The following PXDNL variants were observed in gnomAD, a reference collection of about 807,000 sequenced individuals.
PXDNL encodes peroxidasin like, also known as probable oxidoreductase PXDNL.
In PXDNL, 145 loss-of-function variants were observed where a neutral mutation model predicts 150.8. The observed-to-expected ratio is 0.96, with a 90% CI of 0.84 to 1.10. The LOEUF (loss-of-function observed/expected upper bound fraction) is 1.10. Ranked by LOEUF, PXDNL falls within the 50% of genes least tolerant of loss-of-function variation. PXDNL has a pLI of 0.00. For missense variants in PXDNL, 2,087 were observed against 1,873.9 expected (o/e 1.11, Z -2.10); for synonymous variants, 757 against 725.7 (o/e 1.04, Z -0.69).
At position 51,320,013 on chromosome 8, in the gene PXDNL, C is replaced by A; in HGVS notation, c.4270G>T (p.Val1424Phe). 1 of 1,520,344 alleles carries A rather than the reference C, an allele frequency of 6.6e-7. No individual in the cohort carries two copies. Among genetic ancestry groups the A allele is most frequent in the Admixed American group, 2.2e-5 (1 of 45,030 alleles). The allele number at this position is 1,520,344 out of a possible 1,614,324, so 94.2% of individuals were successfully genotyped here. ...CTHCICESGQ[V>F]TCVVEICPPA... ...GGACAAATCTCCACCACACAGGTGA[C>A]CTGGCCACTCTGAAAGGCAGCATGC... The change falls in exon 23 of 23, where the codon GTC becomes TTC. Residue 1424 changes from valine to phenylalanine, a missense_variant. Val to Phe is a conservative substitution (Grantham distance 50). Transcript: ENST00000356297.
intron 1 of PXDNL, among the ~76,000 whole-genome samples, chr8:51,670,919 T>C (rs1289531039): frequency 6.6e-6 from 1 of 152,224 alleles, no homozygotes; most frequent in Non-Finnish European, 1.5e-5. Context: ...CTTACCGATA[T>C]CTTTTCATTG....
chr8:51,592,563 C>T, intron 3 of PXDNL, 64 bp downstream of exon 3: 1 of 1,065,346 alleles, frequency 9.4e-7, no homozygotes, highest in Non-Finnish European at 1.4e-6. Context: ...AGTAAACACA[C>T]ACAAAAAAGG....
At chr8:51,341,947 G>A (rs754455575) in intron 20 of PXDNL, among the ~76,000 whole-genome samples, 2 of 152,130 alleles carry the variant, frequency 1.3e-5, no homozygotes, top group African/African-American at 4.8e-5. Flanking sequence ...GCAATCCCAC[G>A]CCTGGGTATA....
intron 14 of PXDNL, among the ~76,000 whole-genome samples, chr8:51,418,792 T>G (rs1049077834): frequency 1.3e-5 from 2 of 152,184 alleles, no homozygotes; most frequent in African/African-American, 4.8e-5. Flanking sequence ...GATAATAATT[T>G]ATTGGGTTAA....
intron 1 of PXDNL, among the ~76,000 whole-genome samples, chr8:51,773,472 G>A (rs2037321000): frequency 6.6e-6 from 1 of 152,082 alleles, no homozygotes; most frequent in Non-Finnish European, 1.5e-5. Flanking sequence ...GAGCAGGGAG[G>A]GACATCATAG....
At position 51,409,452 on chromosome 8, in the gene PXDNL, A is replaced by G; in HGVS notation, c.2172T>C (p.His724=). Residue 724 remains histidine, a synonymous_variant, in exon 17 of 23, where the codon CAT becomes CAC. Transcript: ENST00000356297. ...PLPNCSNRCF[H]AKYRAHDGTC... is the part of the protein sequence containing the mutation. ...TGCCGTCGTGGGCGCGGTACTTCGCATGGAAACACCGGTTGGAGCAGTTTG... is the reference window on the plus strand; with the variant it reads ...TGCCGTCGTGGGCGCGGTACTTCGCGTGGAAACACCGGTTGGAGCAGTTTG... 6.2e-7 allele frequency: 1 copy of G among 1,612,742 alleles called. No homozygotes were observed. Among genetic ancestry groups the G allele is most frequent in the African/African-American group, 1.3e-5 (1 of 75,040 alleles).
intron 2 of PXDNL, among the ~76,000 whole-genome samples, chr8:51,608,731 G>GTA (rs1585618318): frequency 6.9e-6 from 1 of 145,126 alleles, no homozygotes; most frequent in Non-Finnish European, 1.5e-5. Flanking sequence ...CAGCTGCTCG[G>GTA]GAGGCTGAGG....
At chr8:51,585,377 G>C (rs953548638) in intron 3 of PXDNL, among the ~76,000 whole-genome samples, 1 of 152,094 alleles carries the variant, frequency 6.6e-6, no homozygotes, top group Non-Finnish European at 1.5e-5. Flanking sequence ...TGTAAAGTGG[G>C]AAAAGAGAAC....
intron 6 of PXDNL, among the ~76,000 whole-genome samples, chr8:51,480,510 T>A (rs988783491): frequency 5.4e-4 from 82 of 152,168 alleles, no homozygotes; most frequent in African/African-American, 1.9e-3. Flanking sequence ...TCTGCCCCCA[T>A]GAACCTCCCA....
intron 1 of PXDNL, among the ~76,000 whole-genome samples, chr8:51,731,823 C>T (rs891600327): frequency 1.3e-5 from 2 of 152,308 alleles, no homozygotes; most frequent in South Asian, 4.1e-4. Flanking sequence ...CTACTTTGGC[C>T]CCTTTTAGCC....
intron 15 of PXDNL, among the ~76,000 whole-genome samples, chr8:51,412,929 C>A (rs750263882): frequency 2.8e-4 from 43 of 152,096 alleles, no homozygotes; most frequent in Admixed American, 3.3e-4. Context: ...ATAGCATGGA[C>A]CTTTGGCATA....
chr8:51,743,135 C>A lies in PXDNL; in HGVS notation c.164+66046G>T, dbSNP rs138893758. On this transcript the variant is annotated intron_variant, in intron 1 of 22. Transcript: ENST00000356297. ...CTCATTAAATGAAACAAAAGAATTG[C>A]CTTTAAAAGTACACTACCTGGAAAT... Among the ~76,000 whole-genome samples the A allele has an allele frequency of 1.1e-4, 17 of 151,282 alleles. No homozygotes were observed. In the East Asian group the frequency reaches 3.3e-3, roughly 29 times the overall value.
At chr8:51,517,750 G>A (rs527665975) in intron 4 of PXDNL, among the ~76,000 whole-genome samples, 16 of 152,324 alleles carry the variant, frequency 1.1e-4, no homozygotes, top group Middle Eastern at 6.8e-3. Context: ...AGGGAGAGCC[G>A]AGATTAATTG....
intron 5 of PXDNL, among the ~76,000 whole-genome samples, chr8:51,499,073 T>C (rs1285821218): frequency 6.6e-6 from 1 of 152,190 alleles, no homozygotes; most frequent in Non-Finnish European, 1.5e-5. Context: ...AAAGTGAAAC[T>C]GCTAGATCTT....
At chr8:51,766,053 T>C (rs2037228059) in intron 1 of PXDNL, among the ~76,000 whole-genome samples, 1 of 152,144 alleles carries the variant, frequency 6.6e-6, no homozygotes, top group Non-Finnish European at 1.5e-5. Flanking sequence ...AGCATGTTGG[T>C]CTCAATCTCC....
chr8:51,769,703 T>G (rs1457367099), intron 1 of PXDNL, among the ~76,000 whole-genome samples: 1 of 152,260 alleles, frequency 6.6e-6, no homozygotes, highest in Non-Finnish European at 1.5e-5. Flanking sequence ...TGACCTGCCT[T>G]GCTTGTTCTT....
chr8:51,733,394 C>T (rs1047091834), intron 1 of PXDNL, among the ~76,000 whole-genome samples: 3 of 152,100 alleles, frequency 2.0e-5, no homozygotes, highest in Non-Finnish European at 2.9e-5. Flanking sequence ...AAGATTTGCA[C>T]ACCCTATGTT....
intron 1 of PXDNL, among the ~76,000 whole-genome samples, chr8:51,717,967 C>A (rs1816651529): frequency 6.6e-6 from 1 of 152,098 alleles, no homozygotes; most frequent in South Asian, 2.1e-4. Context: ...AATATGTTTT[C>A]TTTTAAACTG....
intron 1 of PXDNL, among the ~76,000 whole-genome samples, chr8:51,785,431 G>A (rs1446233555): frequency 6.6e-6 from 1 of 152,206 alleles, no homozygotes; most frequent in African/African-American, 2.4e-5. Context: ...CTGTGCTTCA[G>A]AGATACTGTG....
Sources: gnomAD v4.1 joint callset for allele counts (sites outside exome capture counted in the v4.1 genomes callset) on GRCh38, gnomAD v4.1.1 for gene constraint, MANE v1.5 for transcripts, NCBI Gene and HGNC (gene_info 2026-07-23, HGNC 2026-07-21) for gene names.